MAP3K15: variants seen among roughly 807,000 people sequenced by gnomAD.
MAP3K15 encodes the protein MAPK/ERK kinase kinase 15.
In MAP3K15, 124 loss-of-function variants were observed where a neutral mutation model predicts 99.5. The ratio of observed to expected loss-of-function variants is 1.25; its 90% CI spans 1.08 to 1.45. The LOEUF (loss-of-function observed/expected upper bound fraction) is 1.45, where lower values mean the gene tolerates loss of function less well. Ranked by LOEUF, MAP3K15 falls within the 40% of genes most tolerant of loss-of-function variation. The pLI is 0.00. For synonymous variants in MAP3K15, 494 were observed against 439.6 expected, an observed-to-expected ratio of 1.12 and a Z score of -1.55; for missense variants, 1,242 against 1,079.7, an observed-to-expected ratio of 1.15 and a Z score of -2.11.
rs2052065812 is a variant in MAP3K15, at chrX:19,362,787, T to C, written c.3630A>G (p.Glu1210=). 5.0e-6 allele frequency: 6 copies of C among 1,198,006 alleles called. No individual in the cohort carries two copies. The highest frequency in any genetic ancestry group is 2.2e-5 in the Admixed American group (1 of 45,076). The change falls in exon 26 of 29, where the codon GAA becomes GAG. Residue 1210 remains glutamate, a synonymous_variant. Coordinates refer to ENST00000338883, the MANE Select transcript of MAP3K15 (RefSeq NM_001001671.4). ...EYQNLLRQTL[E]QKTQELYHLQ... ...GGTGATACAATTCTTGAGTTTTCTG[T>C]TCTAGAGTTTGCCGCAGAAGATTCT...
At chrX:19,432,749 T>G (rs1460704313) in intron 6 of MAP3K15, among the ~76,000 whole-genome samples, 5 of 106,816 alleles carry the variant, frequency 4.7e-5, no homozygotes, top group Non-Finnish European at 7.8e-5. Flanking sequence ...ACAGTCTCGC[T>G]TTGTCGCCCA....
intron 19 of MAP3K15, among the ~76,000 whole-genome samples, chrX:19,375,521 A>G (rs773035054): frequency 1.7e-3 from 188 of 112,226 alleles, no homozygotes; most frequent in Admixed American, 3.1e-3. Context: ...CATGTTATAT[A>G]GCCCCCTCCT....
intron 1 of MAP3K15, among the ~76,000 whole-genome samples, chrX:19,503,070 G>A (rs753468889): frequency 9.9e-5 from 11 of 111,242 alleles, no homozygotes; most frequent in Non-Finnish European, 1.5e-4. Context: ...AGAGAGAAGC[G>A]GGCAAATCTG....
chrX:19,360,085 C>T lies in MAP3K15; in HGVS notation c.*664G>A, dbSNP rs754719295. 113 of 169,949 alleles carry T rather than the reference C, an allele frequency of 6.6e-4. No individual in the cohort carries two copies. The Middle Eastern group carries it at 9.7e-3, about 15-fold the overall frequency. 14.0% of individuals were successfully genotyped at this position (169,949 alleles called of 1,213,427 possible). A position where few individuals can be genotyped will look rare whatever the true frequency, so the allele number is the denominator to read the frequency against. On this transcript the variant is annotated 3_prime_UTR_variant, in exon 29 of 29. Transcript: ENST00000338883. ...ACAAGATACAATATTTATTATCAGG[C>T]AAGAGGACAGTTCCATTTTAAAATA...
At chrX:19,414,093 G>A (rs1261600586) in intron 10 of MAP3K15, among the ~76,000 whole-genome samples, 7 of 106,299 alleles carry the variant, frequency 6.6e-5, no homozygotes, top group South Asian at 4.4e-4. Context: ...CCCAGGAGGC[G>A]GAGGTTGCAG....
At position 19,515,410 on chromosome X, in the gene MAP3K15, G is replaced by C. The variant is rs1322657236; in HGVS notation, c.-149C>G. ...GAATCGAGGGAACGGAGCGCACCGG[G>C]GACCCCGCGGCGGGCCGAAGACGGC... On this transcript the variant is annotated 5_prime_UTR_variant, in exon 1 of 29. Coordinates refer to ENST00000338883, the MANE Select transcript of MAP3K15 (RefSeq NM_001001671.4). 7.1e-6 allele frequency: 2 copies of C among 281,437 alleles called. No homozygotes were observed. Among genetic ancestry groups the C allele is most frequent in the Non-Finnish European group, 5.1e-6 (1 of 194,836 alleles). 23.2% of individuals were successfully genotyped at this position (281,437 alleles called of 1,213,427 possible). A position where few individuals can be genotyped will look rare whatever the true frequency, so the allele number is the denominator to read the frequency against.
At chrX:19,392,550 G>A in intron 16 of MAP3K15, 77 bp from the exon 17 acceptor site, 2 of 1,062,314 alleles carry the variant, frequency 1.9e-6, no homozygotes, top group Non-Finnish European at 2.6e-6. Flanking sequence ...AGTGAGGTGA[G>A]GTTTCTAACC....
At chrX:19,439,092 G>C (rs1240722262) in intron 6 of MAP3K15, among the ~76,000 whole-genome samples, 1 of 111,417 alleles carries the variant, frequency 9.0e-6, no homozygotes, top group African/African-American at 3.3e-5. Context: ...AGCCAGTCGG[G>C]AGTCTGAGGC....
chrX:19,447,561 G>A (rs1385322324), intron 6 of MAP3K15, among the ~76,000 whole-genome samples: 1 of 110,591 alleles, frequency 9.0e-6, no homozygotes, highest in Non-Finnish European at 1.9e-5. Context: ...ATACAGGGTT[G>A]ATTTAGTGGC....
chrX:19,376,367 C>T (rs1200765621), intron 19 of MAP3K15, among the ~76,000 whole-genome samples: 2 of 110,612 alleles, frequency 1.8e-5, no homozygotes, highest in African/African-American at 6.6e-5. Context: ...GATGCACCCC[C>T]CTCTCTCCTC....
At chrX:19,418,522 G>C (rs2063755903) in intron 9 of MAP3K15, among the ~76,000 whole-genome samples, 1 of 111,429 alleles carries the variant, frequency 9.0e-6, no homozygotes, top group African/African-American at 3.3e-5. Flanking sequence ...AAGCCACCAA[G>C]AAATATGGGA....
intron 19 of MAP3K15, chrX:19,376,795 G>A (rs952306780): frequency 4.5e-5 from 5 of 110,039 alleles, no homozygotes; most frequent in Non-Finnish European, 9.5e-5. Context: ...GTGCAGTGGT[G>A]TTTGCAGCTA....
intron 13 of MAP3K15, among the ~76,000 whole-genome samples, chrX:19,403,059 T>C (rs774709024): frequency 2.3e-4 from 26 of 111,255 alleles, no homozygotes; most frequent in Non-Finnish European, 3.6e-4. Context: ...AAACTAACCA[T>C]TGGTGGTAAA....
intron 3 of MAP3K15, among the ~76,000 whole-genome samples, chrX:19,474,155 A>G (rs2064224946): frequency 1.8e-5 from 2 of 112,246 alleles, no homozygotes; most frequent in Non-Finnish European, 1.9e-5. Context: ...CCCACAGTGT[A>G]TAAGGGCATG....
chrX:19,426,683 G>T (rs1408004270), intron 7 of MAP3K15, among the ~76,000 whole-genome samples: 1 of 108,871 alleles, frequency 9.2e-6, no homozygotes, highest in African/African-American at 3.4e-5. Context: ...TGGGTGTGGT[G>T]GTGTGTGCCT....
Position 19,426,326 on chromosome X carries a change from T to C in MAP3K15, c.1184A>G (p.Glu395Gly). Residue 395 changes from glutamate (E) to glycine (G), a missense_variant, in exon 8 of 29, where the codon GAA becomes GGA. By Grantham distance (98) the Glu-to-Gly change is moderately conservative. Coordinates refer to ENST00000338883, the MANE Select transcript of MAP3K15 (RefSeq NM_001001671.4). ...TCCCGAATAGAGGGATGACTGGAGT[T>C]CAAACCCTTTGCGATACCTATAATT... ...SAIEWYRKGF[E>G]LQSSLYSGIN... The C allele has an allele frequency of 8.9e-7, 1 of 1,127,270 alleles. No homozygotes were observed. Among genetic ancestry groups the C allele is most frequent in the Non-Finnish European group, 1.2e-6 (1 of 849,666 alleles). The allele number at this position is 1,127,270 out of a possible 1,213,427, so 92.9% of individuals were successfully genotyped here.
intron 25 of MAP3K15, among the ~76,000 whole-genome samples, chrX:19,365,076 C>A (rs1005764808): frequency 9.3e-6 from 1 of 107,722 alleles, no homozygotes; most frequent in Admixed American, 1.0e-4. Context: ...TGGTGGCGTG[C>A]GCCTGTAATC....
intron 4 of MAP3K15, among the ~76,000 whole-genome samples, chrX:19,462,422 C>T (rs1423773020): frequency 8.9e-6 from 1 of 112,052 alleles, no homozygotes; most frequent in Non-Finnish European, 1.9e-5. Flanking sequence ...TTGAATGAGT[C>T]ATTAAGTTGG....
intron 4 of MAP3K15, among the ~76,000 whole-genome samples, chrX:19,462,443 T>C (rs2064139383): frequency 8.9e-6 from 1 of 112,398 alleles, no homozygotes; most frequent in Non-Finnish European, 1.9e-5. Context: ...ATGCCAGCCA[T>C]TGCACATTTG....
Sources: allele counts gnomAD v4.1 joint callset (sites outside exome capture counted in the v4.1 genomes callset), GRCh38; gene constraint gnomAD v4.1.1; transcripts MANE v1.5; gene names NCBI Gene and HGNC (gene_info 2026-07-23, HGNC 2026-07-21).